The following TAPT1 variants were observed in gnomAD, a reference collection of about 807,000 sequenced individuals.
TAPT1 encodes the protein transmembrane anterior posterior transformation 1, also known as transmembrane anterior posterior transformation protein 1 homolog.
TAPT1 carries 28 observed loss-of-function variants against 65.6 expected under a neutral mutation model. The ratio of observed to expected loss-of-function variants is 0.43; its 90% CI spans 0.32 to 0.59. The LOEUF (loss-of-function observed/expected upper bound fraction) is 0.59. TAPT1 is among the 20% of genes least tolerant of loss of function. The pLI, the probability that TAPT1 is intolerant of heterozygous loss-of-function variation, is 0.09. For missense variants in TAPT1, 563 were observed against 679.9 expected, an observed-to-expected ratio of 0.83 and a Z score of 1.91; for synonymous variants, 278 against 245.2, an observed-to-expected ratio of 1.13 and a Z score of -1.25.
chr4:16,204,455 C>A (rs1042545913), intron 2 of TAPT1, among the ~76,000 whole-genome samples: 2 of 152,254 alleles, frequency 1.3e-5, no homozygotes, highest in Non-Finnish European at 2.9e-5. Flanking sequence ...AAAATTCATT[C>A]TCAGCAGCGA....
chr4:16,172,544 AAAAG>A (rs1748072428), intron 11 of TAPT1, among the ~76,000 whole-genome samples: 1 of 152,200 alleles, frequency 6.6e-6, no homozygotes, highest in Admixed American at 6.5e-5. Context: ...TTTCCGAAGC[AAAAG>A]AAAGCTATAT....
intron 1 of TAPT1, among the ~76,000 whole-genome samples, chr4:16,217,062 T>C (rs543697071): frequency 6.6e-6 from 1 of 152,224 alleles, no homozygotes; most frequent in African/African-American, 2.4e-5. Context: ...ACACTGCTCC[T>C]TGGTCTGAGA....
rs1053658027 is a variant in TAPT1, at chr4:16,170,213, G to A, written c.1313+440C>T. Among the ~76,000 whole-genome samples the A allele has an allele frequency of 2.6e-5, 4 of 152,310 alleles. No individual in the cohort carries two copies. The South Asian group carries it at 8.3e-4, about 32-fold the overall frequency. On this transcript the variant is annotated intron_variant, in intron 12 of 13. Coordinates refer to ENST00000405303, the MANE Select transcript of TAPT1 (RefSeq NM_153365.3). ...CATGAGACCAACAAACCTGCAGATG[G>A]ATTCCACTGGTCACAGACAGAAAAC...
intron 7 of TAPT1, among the ~76,000 whole-genome samples, chr4:16,181,982 G>A (rs532746555): frequency 6.6e-5 from 10 of 152,258 alleles, no homozygotes; most frequent in African/African-American, 2.4e-4. Flanking sequence ...AGGATGGCAA[G>A]CTTAAAGATT....
chr4:16,207,271 T>A (rs560020879), intron 2 of TAPT1, among the ~76,000 whole-genome samples: 1 of 152,194 alleles, frequency 6.6e-6, no homozygotes. Context: ...GAGTAAATAC[T>A]CTCTATTAGT....
intron 1 of TAPT1, among the ~76,000 whole-genome samples, chr4:16,220,778 T>C (rs1370046059): frequency 6.6e-6 from 1 of 152,010 alleles, no homozygotes; most frequent in Non-Finnish European, 1.5e-5. Flanking sequence ...ATTTTACTAT[T>C]ATAGCATAAA....
intron 1 of TAPT1, chr4:16,216,296 C>T (rs1443781545): frequency 6.6e-6 from 1 of 152,198 alleles, no homozygotes; most frequent in Non-Finnish European, 1.5e-5. Flanking sequence ...ACATGTCAGC[C>T]ATCCTTTAAT....
intron 1 of TAPT1, among the ~76,000 whole-genome samples, chr4:16,219,295 C>G (rs1321828367): frequency 6.6e-6 from 1 of 151,484 alleles, no homozygotes. Context: ...CACTGTGTTA[C>G]TTCTGGAAAA....
intron 3 of TAPT1, among the ~76,000 whole-genome samples, chr4:16,197,519 C>A (rs1201476845): frequency 3.9e-5 from 6 of 152,118 alleles, no homozygotes; most frequent in African/African-American, 1.4e-4. Flanking sequence ...AGAGGGCTGA[C>A]AAAAATGCCA....
intron 2 of TAPT1, among the ~76,000 whole-genome samples, chr4:16,213,045 T>TA (rs1176663263): frequency 6.6e-6 from 1 of 152,248 alleles, no homozygotes; most frequent in Non-Finnish European, 1.5e-5. Context: ...ACTGGACTAT[T>TA]ACAAGATTTA....
chr4:16,196,000 C>T (rs1749687188), intron 3 of TAPT1, among the ~76,000 whole-genome samples: 1 of 152,166 alleles, frequency 6.6e-6, no homozygotes, highest in Non-Finnish European at 1.5e-5. Context: ...ATCTCTCGCT[C>T]TCTCTCAATA....
intron 1 of TAPT1, among the ~76,000 whole-genome samples, chr4:16,215,035 T>C (rs1477654095): frequency 6.6e-6 from 1 of 152,122 alleles, no homozygotes; most frequent in Non-Finnish European, 1.5e-5. Context: ...CTCACGCCTG[T>C]AATCCCAACA....
intron 2 of TAPT1, among the ~76,000 whole-genome samples, chr4:16,207,745 T>C (rs1245608255): frequency 6.6e-6 from 1 of 152,216 alleles, no homozygotes; most frequent in Non-Finnish European, 1.5e-5. Context: ...TCAACAATAA[T>C]AGTCTATGCC....
intron 7 of TAPT1, among the ~76,000 whole-genome samples, chr4:16,180,120 G>A (rs1195562194): frequency 6.6e-6 from 1 of 152,098 alleles, no homozygotes; most frequent in African/African-American, 2.4e-5. Context: ...CTGAACTGAT[G>A]AGTCCTTTAG....
intron 1 of TAPT1, among the ~76,000 whole-genome samples, chr4:16,221,982 A>G (rs1751280345): frequency 6.6e-6 from 1 of 152,228 alleles, no homozygotes; most frequent in Non-Finnish European, 1.5e-5. Context: ...AAATGTTTAT[A>G]GTCTCATTTA....
chr4:16,205,068 A>G (rs1750262432), intron 2 of TAPT1, among the ~76,000 whole-genome samples: 1 of 152,200 alleles, frequency 6.6e-6, no homozygotes, highest in African/African-American at 2.4e-5. Flanking sequence ...ACCTGCCTCA[A>G]GAGAAATAAA....
At chr4:16,220,199 GTTAA>G (rs1270101775) in intron 1 of TAPT1, among the ~76,000 whole-genome samples, 1 of 152,080 alleles carries the variant, frequency 6.6e-6, no homozygotes, top group African/African-American at 2.4e-5. Flanking sequence ...CAGTTGACTG[GTTAA>G]TTATTTAGCA....
intron 4 of TAPT1, chr4:16,190,280 A>G (rs749311470): frequency 1.3e-5 from 2 of 152,176 alleles, no homozygotes; most frequent in Non-Finnish European, 2.9e-5. Context: ...GCTAATTAGA[A>G]AGATAAATAG....
intron 1 of TAPT1, among the ~76,000 whole-genome samples, chr4:16,225,579 C>A (rs574994205): frequency 6.6e-6 from 1 of 152,212 alleles, no homozygotes; most frequent in Admixed American, 6.5e-5. Context: ...AGAATAAAAA[C>A]CTACAGCTTA....
Sources: gnomAD v4.1 joint callset for allele counts (sites outside exome capture counted in the v4.1 genomes callset) on GRCh38, gnomAD v4.1.1 for gene constraint, MANE v1.5 for transcripts, NCBI Gene and HGNC (gene_info 2026-07-23, HGNC 2026-07-21) for gene names.